Variants in EVC2 observed in about 807,000 individuals in gnomAD.
The protein encoded by EVC2 is limbin.
Under a neutral mutation model 149.3 loss-of-function variants are expected in EVC2, and 148 were observed. That is an observed-to-expected ratio of 0.99 (90% CI 0.87 to 1.14). The LOEUF is 1.14. EVC2 is among the 50% of genes most tolerant of loss of function. The pLI is 0.00. For missense variants in EVC2, 1,854 were observed against 1,627.3 expected (o/e 1.14, Z -2.40); for synonymous variants, 776 against 649.9 (o/e 1.19, Z -2.95).
intron 8 of EVC2, among the ~76,000 whole-genome samples, chr4:5,665,295 G>A (rs1421740092): frequency 6.6e-6 from 1 of 152,056 alleles, no homozygotes. Flanking sequence ...GACTCAGCCT[G>A]CACAGCACAG....
intron 21 of EVC2, among the ~76,000 whole-genome samples, chr4:5,555,769 T>C (rs1261648802): frequency 6.6e-6 from 1 of 152,198 alleles, no homozygotes; most frequent in Non-Finnish European, 1.5e-5. Context: ...ATAGTTGGCC[T>C]GAATAGCACT....
At position 5,665,623 on chromosome 4, in the gene EVC2, T is replaced by C. The variant is rs763124334; in HGVS notation, c.897A>G (p.Ala299=). 4 of 1,614,118 alleles carry C rather than the reference T, an allele frequency of 2.5e-6. No homozygotes were observed. Among genetic ancestry groups the C allele is most frequent in the South Asian group, 1.1e-5 (1 of 91,082 alleles). ...VTVLPHHGLH[A]AGFFIAFLLS... ...GGAGGAAGGCAATGAAGAACCCTGC[T>C]GCGTGGAGGCCGTGGTGCGGCAGAA... is the stretch of plus-strand genomic sequence containing the variant. Residue 299 remains alanine, a synonymous_variant, in exon 8 of 22, where the codon GCA becomes GCG. Coordinates refer to ENST00000344408, the MANE Select transcript of EVC2 (RefSeq NM_147127.5).
intron 10 of EVC2, among the ~76,000 whole-genome samples, chr4:5,632,925 G>C (rs564181831): frequency 1.3e-5 from 2 of 152,266 alleles, no homozygotes; most frequent in South Asian, 2.1e-4. Flanking sequence ...CCCTCCCCTT[G>C]AGCATGGGAA....
chr4:5,628,246 C>T (rs904358173), intron 12 of EVC2, among the ~76,000 whole-genome samples: 3 of 151,944 alleles, frequency 2.0e-5, no homozygotes, highest in Admixed American at 1.3e-4. Context: ...TATTAAGAGA[C>T]GGGACCTTTA....
intron 16 of EVC2, among the ~76,000 whole-genome samples, chr4:5,611,771 A>T (rs1054783115): frequency 1.3e-5 from 2 of 152,214 alleles, no homozygotes; most frequent in African/African-American, 4.8e-5. Context: ...GAAGATAAGT[A>T]ATCTGAAACT....
At chr4:5,671,498 C>T (rs1006124308) in intron 7 of EVC2, among the ~76,000 whole-genome samples, 1 of 152,164 alleles carries the variant, frequency 6.6e-6, no homozygotes, top group Non-Finnish European at 1.5e-5. Flanking sequence ...TTTAATATTT[C>T]AAACAATACT....
intron 16 of EVC2, 37 bp downstream of exon 16, chr4:5,615,385 G>T: frequency 6.2e-7 from 1 of 1,613,906 alleles, no homozygotes. Context: ...CCCGCCATGT[G>T]CAGAGAGAAA....
intron 16 of EVC2, among the ~76,000 whole-genome samples, chr4:5,594,965 T>C (rs1011889626): frequency 6.6e-6 from 1 of 152,034 alleles, no homozygotes; most frequent in Non-Finnish European, 1.5e-5. Context: ...AGAAAGGCTA[T>C]CAGTGACGGA....
At chr4:5,619,407 T>C (rs1018154484) in intron 14 of EVC2, among the ~76,000 whole-genome samples, 3 of 152,070 alleles carry the variant, frequency 2.0e-5, no homozygotes, top group Non-Finnish European at 2.9e-5. Flanking sequence ...CCATCTGACA[T>C]GGAGGCAGAG....
intron 13 of EVC2, among the ~76,000 whole-genome samples, chr4:5,623,809 C>T (rs114974292): frequency 0.015 from 2,239 of 152,248 alleles, 47 homozygotes; most frequent in African/African-American, 0.051. Context: ...ACCCTCTCTG[C>T]GCCTCCATTT....
intron 3 of EVC2, among the ~76,000 whole-genome samples, chr4:5,692,071 C>A (rs1366153534): frequency 1.3e-5 from 2 of 152,252 alleles, no homozygotes; most frequent in Non-Finnish European, 2.9e-5. Context: ...GTGATGACCA[C>A]ATCTTTCCCA....
chr4:5,683,581 C>T (rs7663938), intron 6 of EVC2, among the ~76,000 whole-genome samples: 6,346 of 152,068 alleles, frequency 0.042, 442 homozygotes, highest in African/African-American at 0.14. Flanking sequence ...ACGGAGCTGA[C>T]ATTCTAGTGA....
intron 21 of EVC2, among the ~76,000 whole-genome samples, chr4:5,551,209 C>T (rs1477759696): frequency 6.6e-6 from 1 of 152,180 alleles, no homozygotes; most frequent in African/African-American, 2.4e-5. Context: ...TGACAGCTTG[C>T]ATCATGCACC....
intron 9 of EVC2, among the ~76,000 whole-genome samples, chr4:5,648,215 T>C (rs1211669194): frequency 6.6e-6 from 1 of 152,230 alleles, no homozygotes; most frequent in Non-Finnish European, 1.5e-5. Flanking sequence ...AATAGATTAT[T>C]GTAAATGATA....
At chr4:5,690,812 A>G (rs1721071990) in intron 4 of EVC2, among the ~76,000 whole-genome samples, 1 of 152,182 alleles carries the variant, frequency 6.6e-6, no homozygotes, top group African/African-American at 2.4e-5. Flanking sequence ...ACTGAGCAGA[A>G]TGGCTTTTCT....
chr4:5,706,453 C>CATAGATAGATACATAGATAG (rs1560243918), intron 1 of EVC2, among the ~76,000 whole-genome samples: 1 of 39,042 alleles, frequency 2.6e-5, no homozygotes, highest in African/African-American at 1.0e-4. Context: ...TAGATACATA[C>CATAGATAGATACATAGATAG]ATACATACAT....
At position 5,628,611 on chromosome 4, in the gene EVC2, G is replaced by A. The variant is rs752385254; in HGVS notation, c.1834C>T (p.Leu612Phe). 3 of 1,614,072 alleles carry A rather than the reference G, an allele frequency of 1.9e-6. No individual in the cohort carries two copies. Among genetic ancestry groups the A allele is most frequent in the East Asian group, 2.2e-5 (1 of 44,868 alleles). ...LQSSETRVQG[L>F]LSTAAAQLTH... Reference sequence around the variant, plus strand: ...AGCTGGGCTGCAGCGGTGCTCAGAAGGCCCTGCACACGGGTCTCTGATGAC... The same window carrying A: ...AGCTGGGCTGCAGCGGTGCTCAGAAAGCCCTGCACACGGGTCTCTGATGAC... Residue 612 changes from leucine (L) to phenylalanine (F), a missense_variant, in exon 12 of 22, where the codon CTT becomes TTT. Physicochemically the swap from Leu to Phe is conservative, Grantham distance 22 (BLOSUM62 0). Coordinates refer to ENST00000344408, the MANE Select transcript of EVC2 (RefSeq NM_147127.5).
At chr4:5,627,906 T>C (rs1051179890) in intron 12 of EVC2, among the ~76,000 whole-genome samples, 5 of 152,110 alleles carry the variant, frequency 3.3e-5, no homozygotes, top group Non-Finnish European at 5.9e-5. Context: ...TTCTCCAGAA[T>C]ATGTTGTTGG....
At chr4:5,611,044 G>C (rs1402287592) in intron 16 of EVC2, among the ~76,000 whole-genome samples, 1 of 152,112 alleles carries the variant, frequency 6.6e-6, no homozygotes, top group Non-Finnish European at 1.5e-5. Context: ...TCCCAAGGCA[G>C]GCTGTCATTG....
Sources: allele counts gnomAD v4.1 joint callset (sites outside exome capture counted in the v4.1 genomes callset), GRCh38; gene constraint gnomAD v4.1.1; transcripts MANE v1.5; gene names NCBI Gene and HGNC (gene_info 2026-07-23, HGNC 2026-07-21).